The following SULT1A2 variants were observed in gnomAD, a reference collection of about 807,000 sequenced individuals.
SULT1A2 encodes the protein sulfotransferase 1A2.
In SULT1A2, 33 loss-of-function variants were observed where a neutral mutation model predicts 36.0. The ratio of observed to expected loss-of-function variants is 0.92; its 90% CI spans 0.69 to 1.22. The LOEUF is 1.22. SULT1A2 is among the 50% of genes most tolerant of loss of function. SULT1A2 has a pLI of 0.00. For synonymous variants in SULT1A2, 138 were observed against 144.5 expected (o/e 0.96, Z 0.32); for missense variants, 367 against 383.2 (o/e 0.96, Z 0.35).
intron 1 of SULT1A2, 123 bp from the exon 2 acceptor site, chr16:28,596,057 C>T: frequency 1.3e-6 from 2 of 1,567,988 alleles, no homozygotes; most frequent in Non-Finnish European, 1.7e-6. Context: ...CCCGCACTCA[C>T]AAGGCCAGTC....
chr16:28,592,556 T>C, intron 6 of SULT1A2, 113 bp from the exon 7 acceptor site: 5 of 1,565,242 alleles, frequency 3.2e-6, no homozygotes, highest in Non-Finnish European at 3.5e-6. Context: ...TCAAAACCCA[T>C]AGAGCCAGCT....
Position 28,592,127 on chromosome 16 carries a change from G to T in SULT1A2, c.789C>A (p.Asp263Glu). The T allele has an allele frequency of 6.2e-7, 1 of 1,612,102 alleles. No homozygotes were observed. The change falls in exon 8 of 8, where the codon GAC (aspartate) becomes GAA (glutamate). Residue 263 changes from aspartate (D) to glutamate (E), a missense_variant. Transcript: ENST00000335715. ...GCGCCACGGTGAAGGTGGTCTTCCA[G>T]TCCCCAGCCATGCCTGGGGGAGGAA... ...SPFMRKGMAG[D>E]WKTTFTVAQN...
At chr16:28,596,398 C>T (rs2047060473) in intron 1 of SULT1A2, 1 of 1,065,040 alleles carries the variant, frequency 9.4e-7, no homozygotes, top group Non-Finnish European at 1.2e-6. Flanking sequence ...AGCCCCTCGG[C>T]CCCTCACATG....
chr16:28,596,090 A>G, intron 1 of SULT1A2, 156 bp from the exon 2 acceptor site: 2 of 1,507,318 alleles, frequency 1.3e-6, no homozygotes, highest in Non-Finnish European at 1.8e-6. Flanking sequence ...GGGGCTGAAA[A>G]CCAGGTCGGG....
At chr16:28,594,093 T>G (rs1254938138) in intron 4 of SULT1A2, among the ~76,000 whole-genome samples, 2 of 85,674 alleles carry the variant, frequency 2.3e-5, no homozygotes, top group Admixed American at 1.2e-4. Context: ...TTTGTTGTGG[T>G]TTTTTTTTTT....
intron 1 of SULT1A2, chr16:28,596,527 G>T (rs1458667449): frequency 4.7e-6 from 2 of 427,194 alleles, no homozygotes; most frequent in African/African-American, 2.2e-5. Flanking sequence ...AGCCTGATGT[G>T]GGAATGAGCA....
In SULT1A2 at chr16:28,595,456, T is replaced by A; in HGVS notation, c.283A>T (p.Thr95Ser). 6.2e-7 allele frequency: 1 copy of A among 1,613,506 alleles called. No individual in the cohort carries two copies. The highest frequency in any genetic ancestry group is 8.5e-7 in the Non-Finnish European group (1 of 1,179,866). ...KVPGIPSGME[T>S]LKNTPAPRLL... ...CGTGGGGCTGGTGTGTTTTTCAGAG[T>A]CTCCATCCCTGAGCAGTGGGTCAGG... Residue 95 changes from threonine to serine, a missense_variant, in exon 4 of 8, where the codon ACT becomes TCT. Thr to Ser is a moderately conservative substitution (Grantham distance 58). Coordinates refer to ENST00000335715, the MANE Select transcript of SULT1A2 (RefSeq NM_001054.4).
chr16:28,593,520 GGTA>G lies in SULT1A2; in HGVS notation c.418_420del (p.Tyr140del), dbSNP rs753795404. The G allele has an allele frequency of 6.2e-7, 1 of 1,614,044 alleles. No individual in the cohort carries two copies. The highest frequency in any genetic ancestry group is 2.2e-5 in the East Asian group (1 of 44,896). On this transcript the variant is annotated inframe_deletion, in exon 5 of 8. Coordinates refer to ENST00000335715, the MANE Select transcript of SULT1A2 (RefSeq NM_001054.4). ...TACACTTTGGCCATGTGGTAGAAGT[GGTA>G]GTAGGAAACCGCCACATCCTTTGCG...
chr16:28,596,368 C>T (rs762632), intron 1 of SULT1A2: 3 of 1,116,650 alleles, frequency 2.7e-6, no homozygotes, highest in Non-Finnish European at 3.3e-6. Context: ...AGGCTCCTCT[C>T]CCCGATGTTC....
In SULT1A2 at chr16:28,595,925, C is replaced by T. The variant is rs1280838067; in HGVS notation, c.6G>A (p.Glu2=). M[E]LIQDISRPPL... The stretch of plus-strand genomic sequence containing the variant: ...GCGGGCGAGAGATGTCCTGGATCAG[C>T]TCCATGTTCCTGCGTCAGGGGCCAG... Residue 2 remains glutamate (E), a synonymous_variant, in exon 2 of 8, where the codon GAG becomes GAA. Coordinates refer to ENST00000335715, the MANE Select transcript of SULT1A2 (RefSeq NM_001054.4). The T allele has an allele frequency of 5.0e-6, 8 of 1,600,582 alleles. No homozygotes were observed. The highest frequency in any genetic ancestry group is 6.8e-6 in the Non-Finnish European group (8 of 1,172,394).
chr16:28,594,772 T>C (rs1168018844), intron 4 of SULT1A2, among the ~76,000 whole-genome samples: 1 of 122,770 alleles, frequency 8.1e-6, no homozygotes, highest in Non-Finnish European at 1.7e-5. Flanking sequence ...ACCTGCCGCT[T>C]TTTTTTTTTT....
rs1377154336 is a variant in SULT1A2 at position 28,593,349 on chromosome 16, G to A, written c.500-3C>T. On this transcript the variant is annotated splice_polypyrimidine_tract_variant and splice_region_variant and intron_variant, in intron 5 of 7. Transcript: ENST00000335715. The stretch of plus-strand genomic sequence containing the variant: ...CTGGTACCAGGACCCATAGGACACT[G>A]GAGAAGCGGGCAGGGAGTGCCGACA... 20 of 1,614,152 alleles carry A rather than the reference G, an allele frequency of 1.2e-5. No individual in the cohort carries two copies. The East Asian group carries it at 3.1e-4, about 25-fold the overall frequency.
intron 1 of SULT1A2, 122 bp downstream of exon 1, chr16:28,596,875 T>G: frequency 9.8e-6 from 6 of 612,888 alleles, no homozygotes; most frequent in Admixed American, 4.6e-5. Flanking sequence ...CGGCCGGGGT[T>G]GTCTGAAATG....
rs145465524 is a variant in SULT1A2 at position 28,592,307 on chromosome 16, C to T, written c.731G>A (p.Arg244His). The T allele has an allele frequency of 1.7e-5, 27 of 1,613,816 alleles. No individual in the cohort carries two copies. Among genetic ancestry groups the T allele is most frequent in the African/African-American group, 4.0e-5 (3 of 74,906 alleles). ...GATGCTGTGGTCCATGAACTCCCGG[C>T]GGACGGTGGTGTAGTTGGTCATAGG... ...KNPMTNYTTV[R>H]REFMDHSISP... Residue 244 changes from arginine to histidine, a missense_variant, in exon 7 of 8, where the codon CGC (arginine) becomes CAC (histidine). Physicochemically the swap from Arg to His is conservative, Grantham distance 29. Coordinates refer to ENST00000335715, the MANE Select transcript of SULT1A2 (RefSeq NM_001054.4).
intron 4 of SULT1A2, among the ~76,000 whole-genome samples, chr16:28,594,559 TCTC>T (rs1235737248): frequency 6.6e-6 from 1 of 152,184 alleles, no homozygotes; most frequent in Non-Finnish European, 1.5e-5. Flanking sequence ...TGCAAGCTAT[TCTC>T]CTGCCTCAGC....
At chr16:28,594,887 TCTC>T (rs1372437927) in intron 4 of SULT1A2, among the ~76,000 whole-genome samples, 2 of 144,328 alleles carry the variant, frequency 1.4e-5, no homozygotes, top group African/African-American at 5.1e-5. Context: ...TTCAAGCAAT[TCTC>T]CTGCTTCAGC....
Position 28,593,388 on chromosome 16 carries a change from C to T in SULT1A2, c.500-42G>A, listed in dbSNP as rs770210554. The T allele has an allele frequency of 4.6e-5, 75 of 1,614,008 alleles. No homozygotes were observed. The South Asian group carries it at 8.0e-4, about 17-fold the overall frequency. ...GGAGTGCCGACACAGGGTTGCTGTG[C>T]GTTGTAGCCACCACCCCTTAGCTCC... On this transcript the variant is annotated intron_variant, in intron 5 of 7. Coordinates refer to ENST00000335715, the MANE Select transcript of SULT1A2 (RefSeq NM_001054.4).
rs1432515556 is a variant in SULT1A2, at chr16:28,592,346, T to G, written c.692A>C (p.Glu231Ala). Residue 231 changes from glutamate to alanine, a missense_variant, in exon 7 of 8, where the codon GAG becomes GCG. Physicochemically the swap from Glu to Ala is moderately radical, Grantham distance 107 (BLOSUM62 -1). Transcript: ENST00000335715. ...GTTGGTCATAGGGTTCTTCTTCATCTCCTTGAACGACGTGTGCTCAACCAT... is the reference window on the plus strand; with the variant it reads ...GTTGGTCATAGGGTTCTTCTTCATCGCCTTGAACGACGTGTGCTCAACCAT... ...DLMVEHTSFK[E>A]MKKNPMTNYT... 6.2e-7 allele frequency: 1 copy of G among 1,613,966 alleles called. No homozygotes were observed. Among genetic ancestry groups the G allele is most frequent in the Non-Finnish European group, 8.5e-7 (1 of 1,179,862 alleles).
Position 28,593,341 on chromosome 16 carries a change from A to G in SULT1A2, c.505T>C (p.Tyr169His), listed in dbSNP as rs1596612509. The G allele has an allele frequency of 6.2e-7, 1 of 1,614,186 alleles. No individual in the cohort carries two copies. The change falls in exon 6 of 8, where the codon TAT (tyrosine) becomes CAT (histidine). Residue 169 changes from tyrosine (Y) to histidine (H), a missense_variant. Coordinates refer to ENST00000335715, the MANE Select transcript of SULT1A2 (RefSeq NM_001054.4). The part of the protein sequence containing the change: ...LEKFMAGEVS[Y>H]GSWYQHVQEW... ...TGCACGTGCTGGTACCAGGACCCAT[A>G]GGACACTGGAGAAGCGGGCAGGGAG...
Sources: allele counts gnomAD v4.1 joint callset (sites outside exome capture counted in the v4.1 genomes callset), GRCh38; gene constraint gnomAD v4.1.1; transcripts MANE v1.5; gene names NCBI Gene and HGNC (gene_info 2026-07-23, HGNC 2026-07-21).